The following PTPRD variants were observed in gnomAD, a reference collection of about 807,000 sequenced individuals.
PTPRD encodes protein tyrosine phosphatase receptor type D, also known as receptor-type tyrosine-protein phosphatase delta.
A neutral mutation model predicts 214.5 loss-of-function variants in PTPRD; 34 were observed. The observed-to-expected ratio is 0.16, with a 90% CI of 0.12 to 0.21. The LOEUF (loss-of-function observed/expected upper bound fraction) is 0.21, where lower values mean the gene tolerates loss of function less well. Among genes scored for constraint, PTPRD ranks in the 10% least tolerant of loss-of-function variants. The probability of loss-of-function intolerance (pLI) is 1.00; values close to 1 mark genes in which losing one functional copy is unlikely to be tolerated. For missense variants in PTPRD, 2,545 were observed against 2,398.7 expected, an observed-to-expected ratio of 1.06 and a Z score of -1.27; for synonymous variants, 1,128 against 845.7, an observed-to-expected ratio of 1.33 and a Z score of -5.79.
At chr9:10,012,705 A>G (rs1275727940) in intron 4 of PTPRD, among the ~76,000 whole-genome samples, 2 of 151,938 alleles carry the variant, frequency 1.3e-5, no homozygotes, top group Admixed American at 1.3e-4. Context: ...AGAACACTGC[A>G]ATGCTCAATA....
At chr9:9,102,395 T>C (rs537374320) in intron 10 of PTPRD, among the ~76,000 whole-genome samples, 6 of 152,288 alleles carry the variant, frequency 3.9e-5, no homozygotes, top group East Asian at 1.9e-4. Flanking sequence ...GTTTGAGCCA[T>C]TGAACCAGAA....
intron 32 of PTPRD, among the ~76,000 whole-genome samples, chr9:8,462,057 C>G (rs1032847410): frequency 1.3e-5 from 2 of 151,988 alleles, no homozygotes; most frequent in African/African-American, 2.4e-5. Context: ...GAATCTGTCT[C>G]TTCATTAATG....
chr9:10,571,780 C>G (rs1393783452), intron 2 of PTPRD, among the ~76,000 whole-genome samples: 1 of 152,140 alleles, frequency 6.6e-6, no homozygotes, highest in East Asian at 1.9e-4. Flanking sequence ...ACTAGATTCT[C>G]ATAAGGAACA....
chr9:10,057,372 AG>A (rs1461025016), intron 3 of PTPRD, among the ~76,000 whole-genome samples: 2 of 152,146 alleles, frequency 1.3e-5, no homozygotes, highest in Non-Finnish European at 2.9e-5. Context: ...GGAGGTGAAA[AG>A]CCACCAGGGT....
At chr9:10,124,520 A>T (rs148617471) in intron 3 of PTPRD, among the ~76,000 whole-genome samples, 187 of 152,252 alleles carry the variant, frequency 1.2e-3, no homozygotes, top group African/African-American at 4.4e-3. Flanking sequence ...AGGATTTTGA[A>T]TATTTATCCG....
chr9:10,439,213 T>C (rs1428090693), intron 2 of PTPRD, among the ~76,000 whole-genome samples: 2 of 150,150 alleles, frequency 1.3e-5, no homozygotes, highest in African/African-American at 5.0e-5. Flanking sequence ...CGGCATGTTT[T>C]GTGTCACTCA....
chr9:9,245,251 T>A (rs187979135), intron 9 of PTPRD, among the ~76,000 whole-genome samples: 18 of 152,212 alleles, frequency 1.2e-4, no homozygotes, highest in Non-Finnish European at 1.9e-4. Flanking sequence ...GATCTAGAAC[T>A]AGAAATACCA....
At chr9:10,184,672 C>T (rs956548246) in intron 3 of PTPRD, among the ~76,000 whole-genome samples, 8 of 152,160 alleles carry the variant, frequency 5.3e-5, no homozygotes, top group African/African-American at 1.7e-4. Context: ...ACTCTTAGTT[C>T]CTTCCCCCAG....
At chr9:9,794,795 C>G (rs1178268869) in intron 5 of PTPRD, among the ~76,000 whole-genome samples, 1 of 152,178 alleles carries the variant, frequency 6.6e-6, no homozygotes, top group Non-Finnish European at 1.5e-5. Flanking sequence ...CTCTAAAGGT[C>G]TTATCTCTTC....
At chr9:10,094,569 G>A (rs149059662) in intron 3 of PTPRD, among the ~76,000 whole-genome samples, 1 of 137,248 alleles carries the variant, frequency 7.3e-6, no homozygotes, top group Non-Finnish European at 1.5e-5. Flanking sequence ...AAATGGGGCA[G>A]AGTAACTGTT....
intron 7 of PTPRD, among the ~76,000 whole-genome samples, chr9:9,732,120 G>A (rs2098206763): frequency 6.6e-6 from 1 of 152,062 alleles, no homozygotes; most frequent in Non-Finnish European, 1.5e-5. Flanking sequence ...AATAGGAAAT[G>A]GGGATACGAG....
chr9:10,237,129 G>A (rs2099631520), intron 3 of PTPRD, among the ~76,000 whole-genome samples: 1 of 151,784 alleles, frequency 6.6e-6, no homozygotes, highest in African/African-American at 2.4e-5. Context: ...TGACAAATAT[G>A]CCGCTCTGGT....
chr9:9,051,076 A>T (rs2099684360), intron 10 of PTPRD, among the ~76,000 whole-genome samples: 1 of 152,116 alleles, frequency 6.6e-6, no homozygotes, highest in Admixed American at 6.6e-5. Context: ...CTAAGTAGGG[A>T]ATTTTTCTAG....
At chr9:9,182,503 A>G (rs772863074) in intron 10 of PTPRD, among the ~76,000 whole-genome samples, 5 of 152,164 alleles carry the variant, frequency 3.3e-5, no homozygotes, top group South Asian at 4.1e-4. Flanking sequence ...TTACGAGATA[A>G]TAGTCTCTGA....
chr9:10,521,943 C>T (rs1590000692), intron 2 of PTPRD, among the ~76,000 whole-genome samples: 4 of 152,152 alleles, frequency 2.6e-5, no homozygotes, highest in Admixed American at 2.6e-4. Flanking sequence ...TTGCAGTGGT[C>T]TAGAACCTGC....
intron 11 of PTPRD, among the ~76,000 whole-genome samples, chr9:8,839,276 T>C (rs1476715706): frequency 3.3e-5 from 5 of 151,898 alleles, no homozygotes; most frequent in Non-Finnish European, 7.4e-5. Flanking sequence ...ACCTAGATGA[T>C]AATTTTCAGA....
chr9:8,721,240 C>T (rs1191761293), intron 12 of PTPRD, among the ~76,000 whole-genome samples: 4 of 151,372 alleles, frequency 2.6e-5, no homozygotes, highest in Non-Finnish European at 5.9e-5. Flanking sequence ...ACTAGCCTGC[C>T]CAACATGGCA....
rs571417459 is a variant in PTPRD at position 9,586,658 on chromosome 9, G to A, written c.-286-11877C>T. On this transcript the variant is annotated intron_variant, in intron 7 of 45. Coordinates refer to ENST00000381196, the MANE Select transcript of PTPRD (RefSeq NM_002839.4). ...AAAAACCCATAAATACTCACTTTTC[G>A]CTACCATTTATGCTAAATAGGTTGG... Among the ~76,000 whole-genome samples the A allele has an allele frequency of 5.0e-4, 76 of 151,880 alleles. 1 individual carries two copies. In the South Asian group the frequency reaches 0.015, roughly 29 times the overall value.
intron 39 of PTPRD, among the ~76,000 whole-genome samples, chr9:8,344,422 C>G (rs1254081416): frequency 1.3e-5 from 2 of 151,052 alleles, no homozygotes; most frequent in East Asian, 3.9e-4. Context: ...AACTCCAACT[C>G]TAAACAGTAT....
Sources: allele counts gnomAD v4.1 joint callset (sites outside exome capture counted in the v4.1 genomes callset), GRCh38; gene constraint gnomAD v4.1.1; transcripts MANE v1.5; gene names NCBI Gene and HGNC (gene_info 2026-07-23, HGNC 2026-07-21).